PUM1: variants seen among roughly 807,000 people sequenced by gnomAD.
PUM1 encodes pumilio RNA binding family member 1, also known as pumilio homolog 1.
In PUM1, 13 loss-of-function variants were observed where a neutral mutation model predicts 131.8. The observed-to-expected ratio is 0.10, with a 90% CI of 0.06 to 0.16. The LOEUF is 0.16. Among genes scored for constraint, PUM1 ranks in the 10% least tolerant of loss-of-function variants. PUM1 has a pLI of 1.00. For missense variants in PUM1, 961 were observed against 1,512.4 expected, an observed-to-expected ratio of 0.64 and a Z score of 6.05; for synonymous variants, 509 against 556.5, an observed-to-expected ratio of 0.91 and a Z score of 1.20.
In PUM1 at chr1:30,946,992, T is replaced by A. The variant is rs12134620; in HGVS notation, c.2857-1509A>T. On this transcript the variant is annotated intron_variant, in intron 17 of 21. Transcript: ENST00000426105. ...TAACTCTGTAAAGTATGACTAGTAA[T>A]GATACTAATTAAGCTAGAGTTTACC... Among the ~76,000 whole-genome samples, 1,222 of 152,304 alleles carry A rather than the reference T, an allele frequency of 8.0e-3. 5 individuals are homozygous for A. Among genetic ancestry groups the A allele is most frequent in the Non-Finnish European group, 0.013 (917 of 68,018 alleles).
chr1:31,038,986 T>TATATATATATATA (rs1557599381), intron 2 of PUM1, among the ~76,000 whole-genome samples: 7 of 27,460 alleles, frequency 2.5e-4, no homozygotes, highest in African/African-American at 1.8e-3. Context: ...ATATATATAT[T>TATATATATATATA]TTTTTTTTTT....
Position 30,997,516 on chromosome 1 carries a change from T to A in PUM1, c.721-2296A>T, listed in dbSNP as rs866622505. Among the ~76,000 whole-genome samples the A allele has an allele frequency of 4.8e-4, 65 of 134,958 alleles. 1 individual carries two copies. Among genetic ancestry groups the A allele is most frequent in the Admixed American group, 3.3e-3 (46 of 13,954 alleles). 88.5% of individuals were successfully genotyped at this position (134,958 alleles called of 152,430 possible). On this transcript the variant is annotated intron_variant, in intron 5 of 21. Coordinates refer to ENST00000426105, the MANE Select transcript of PUM1 (RefSeq NM_001020658.2). ...TCGTCTTTTTTTTTTTTTTTTTTTT[T>A]AAAGGAAAGAAAGGAGGATAAAGCA...
chr1:30,953,453 C>T (rs1016256867), intron 15 of PUM1, among the ~76,000 whole-genome samples: 1 of 152,144 alleles, frequency 6.6e-6, no homozygotes, highest in African/African-American at 2.4e-5. Context: ...CTCCTCAGCA[C>T]CCTAGATCAA....
intron 2 of PUM1, among the ~76,000 whole-genome samples, chr1:31,050,132 G>A (rs1337420604): frequency 1.3e-5 from 2 of 151,928 alleles, no homozygotes; most frequent in East Asian, 1.9e-4. Context: ...GCAACCAGCC[G>A]AACTTCTTTT....
At chr1:31,040,913 G>A (rs1389580405) in intron 2 of PUM1, among the ~76,000 whole-genome samples, 9 of 152,126 alleles carry the variant, frequency 5.9e-5, no homozygotes, top group South Asian at 4.1e-4. Context: ...TAAGCAGATC[G>A]TATCTTCAAA....
intron 16 of PUM1, among the ~76,000 whole-genome samples, chr1:30,951,981 T>A (rs978651502): frequency 6.6e-6 from 1 of 152,200 alleles, no homozygotes; most frequent in Non-Finnish European, 1.5e-5. Flanking sequence ...ATGTGCTGGG[T>A]CCTAAATGGG....
chr1:31,059,094 A>C (rs969928734), intron 2 of PUM1, 110 bp downstream of exon 2: 2 of 1,267,664 alleles, frequency 1.6e-6, no homozygotes, highest in African/African-American at 1.5e-5. Flanking sequence ...TGTTTGTACC[A>C]AATGAAATCA....
At chr1:31,032,038 A>G (rs988607561) in intron 2 of PUM1, among the ~76,000 whole-genome samples, 2 of 152,050 alleles carry the variant, frequency 1.3e-5, no homozygotes, top group Non-Finnish European at 2.9e-5. Context: ...CTCCTGCCCT[A>G]CCTCTTACAG....
intron 2 of PUM1, chr1:31,037,205 A>G (rs1307022773): frequency 6.5e-6 from 1 of 153,034 alleles, no homozygotes; most frequent in Non-Finnish European, 1.5e-5. Flanking sequence ...TATAGATCAG[A>G]TCTTGAAATA....
chr1:30,976,153 A>G (rs1251107975), intron 9 of PUM1, among the ~76,000 whole-genome samples: 1 of 152,146 alleles, frequency 6.6e-6, no homozygotes, highest in Non-Finnish European at 1.5e-5. Context: ...TTTCCTTGGC[A>G]ACAAAGTACA....
chr1:30,964,107 T>C (rs1227604838), intron 14 of PUM1, among the ~76,000 whole-genome samples: 5 of 152,164 alleles, frequency 3.3e-5, no homozygotes, highest in East Asian at 1.9e-4. Flanking sequence ...TAAAATCCCA[T>C]GCATAAAACA....
chr1:31,038,078 CAA>C (rs200678086), intron 2 of PUM1, among the ~76,000 whole-genome samples: 4 of 71,092 alleles, frequency 5.6e-5, no homozygotes, highest in East Asian at 4.3e-4. Flanking sequence ...GACTCCATCT[CAA>C]AAAAAAAAAA....
At chr1:31,040,668 C>T (rs527649714) in intron 2 of PUM1, among the ~76,000 whole-genome samples, 2 of 152,158 alleles carry the variant, frequency 1.3e-5, no homozygotes. Context: ...GTGCCAGCTA[C>T]ACAAGGGGGA....
intron 1 of PUM1, among the ~76,000 whole-genome samples, chr1:31,064,544 G>A (rs1274277479): frequency 6.6e-6 from 1 of 152,000 alleles, no homozygotes; most frequent in Non-Finnish European, 1.5e-5. Context: ...TAAGCCTATT[G>A]TTTCAGAAGT....
At chr1:30,939,225 G>A (rs190130193) in intron 20 of PUM1, among the ~76,000 whole-genome samples, 52 of 152,290 alleles carry the variant, frequency 3.4e-4, no homozygotes, top group Admixed American at 9.8e-4. Flanking sequence ...CCACCAAAGA[G>A]AAGTGCCCTC....
intron 18 of PUM1, among the ~76,000 whole-genome samples, chr1:30,942,518 G>C (rs1160639316): frequency 6.6e-6 from 1 of 151,888 alleles, no homozygotes; most frequent in Non-Finnish European, 1.5e-5. Context: ...ACCAAATCCT[G>C]AATGCTTTCA....
intron 2 of PUM1, among the ~76,000 whole-genome samples, chr1:31,046,129 G>A (rs1331946070): frequency 6.6e-6 from 1 of 151,390 alleles, no homozygotes; most frequent in Non-Finnish European, 1.5e-5. Flanking sequence ...GCTCACGCCT[G>A]TAATCCCAGC....
chr1:31,006,789 C>A (rs1642413972), intron 4 of PUM1, among the ~76,000 whole-genome samples: 1 of 152,086 alleles, frequency 6.6e-6, no homozygotes, highest in Non-Finnish European at 1.5e-5. Flanking sequence ...GCTAGCACTT[C>A]AAAAAATATT....
chr1:30,962,908 T>G (rs935197172), intron 14 of PUM1, among the ~76,000 whole-genome samples: 14 of 152,190 alleles, frequency 9.2e-5, no homozygotes, highest in African/African-American at 3.1e-4. Context: ...TTATTTAGTA[T>G]GTAGTATGGG....
Sources: allele counts gnomAD v4.1 joint callset (sites outside exome capture counted in the v4.1 genomes callset), GRCh38; gene constraint gnomAD v4.1.1; transcripts MANE v1.5; gene names NCBI Gene and HGNC (gene_info 2026-07-23, HGNC 2026-07-21).